Variants in ITGAX observed in about 807,000 individuals in gnomAD.
ITGAX encodes the protein integrin alpha-X.
ITGAX carries 99 observed loss-of-function variants against 140.2 expected under a neutral mutation model. The ratio of observed to expected loss-of-function variants is 0.71; its 90% CI spans 0.60 to 0.83. The LOEUF is 0.83. Ranked by LOEUF, ITGAX falls within the 40% of genes least tolerant of loss-of-function variation. ITGAX has a pLI of 0.00. For missense variants in ITGAX, 1,444 were observed against 1,482.0 expected (o/e 0.97, Z 0.42); for synonymous variants, 631 against 600.4 (o/e 1.05, Z -0.75).
chr16:31,377,016 C>A lies in ITGAX; in HGVS notation c.2642C>A (p.Thr881Asn), dbSNP rs2081025818. The change falls in exon 22 of 30, where the codon ACC becomes AAC. Residue 881 changes from threonine (T) to asparagine (N), a missense_variant. By Grantham distance (65) the Thr-to-Asn change is moderately conservative. Transcript: ENST00000268296. ...RGGAQITFLA[T>N]FDVSPKAVLG... ...TTTCCTCAGATCACCTTCTTGGCTA[C>A]CTTTGACGTCTCCCCCAAGGCTGTC... The A allele has an allele frequency of 6.2e-7, 1 of 1,614,112 alleles. No individual in the cohort carries two copies. Among genetic ancestry groups the A allele is most frequent in the South Asian group, 1.1e-5 (1 of 91,088 alleles).
At chr16:31,372,170 G>GA (rs982216714) in intron 17 of ITGAX, among the ~76,000 whole-genome samples, 8 of 151,696 alleles carry the variant, frequency 5.3e-5, no homozygotes, top group East Asian at 1.9e-4. Context: ...AGGTCTGGGG[G>GA]GGGGGAGGAA....
intron 20 of ITGAX, among the ~76,000 whole-genome samples, chr16:31,375,490 A>G (rs1188878288): frequency 1.3e-5 from 2 of 152,242 alleles, no homozygotes; most frequent in Non-Finnish European, 2.9e-5. Context: ...AGTTTGCGGT[A>G]ATCTGTTATA....
chr16:31,368,456 C>T (rs1597073425), intron 14 of ITGAX, among the ~76,000 whole-genome samples: 1 of 147,566 alleles, frequency 6.8e-6, no homozygotes, highest in Non-Finnish European at 1.5e-5. Context: ...CGAGATCACA[C>T]CACTGCACTC....
chr16:31,359,562 G>A (rs987284625), intron 5 of ITGAX, 138 bp from the exon 6 acceptor site: 5 of 920,550 alleles, frequency 5.4e-6, no homozygotes, highest in African/African-American at 5.0e-5. Context: ...GACCCAGGGT[G>A]TGGAGCCTGA....
Position 31,382,780 on chromosome 16 carries a change from C to A in ITGAX, c.*873C>A. On this transcript the variant is annotated 3_prime_UTR_variant, in exon 30 of 30. Transcript: ENST00000268296. ...TCTAGGGAGGGACATGGCCCCGGTG[C>A]GGCTGCAGCTCACCCAGCCCCAGGG... 1 of 456,848 alleles carries A rather than the reference C, an allele frequency of 2.2e-6. No homozygotes were observed. Among genetic ancestry groups the A allele is most frequent in the Non-Finnish European group, 3.9e-6 (1 of 254,056 alleles). The allele number at this position is 456,848 out of a possible 1,614,324, so 28.3% of individuals were successfully genotyped here. A position where few individuals can be genotyped will look rare whatever the true frequency, so the allele number is the denominator to read the frequency against.
chr16:31,355,446 G>A (rs2080748862), intron 1 of ITGAX, among the ~76,000 whole-genome samples, 155 bp downstream of exon 1: 1 of 152,202 alleles, frequency 6.6e-6, no homozygotes, highest in Non-Finnish European at 1.5e-5. Flanking sequence ...TCTGAGATTT[G>A]GAGTTTGTGG....
chr16:31,373,136 C>T lies in ITGAX; in HGVS notation c.2367-113C>T. On this transcript the variant is annotated intron_variant, in intron 19 of 29. Transcript: ENST00000268296. ...AAGAAGAAGAAGAAGAAGAAGAACCCAGGGGTCCGTCCCCTGTCTATCTCC... is the reference window on the plus strand; with the variant it reads ...AAGAAGAAGAAGAAGAAGAAGAACCTAGGGGTCCGTCCCCTGTCTATCTCC... 5 of 732,048 alleles carry T rather than the reference C, an allele frequency of 6.8e-6. No individual in the cohort carries two copies. In the South Asian group the frequency reaches 9.2e-5, roughly 13 times the overall value. 45.3% of individuals were successfully genotyped at this position (732,048 alleles called of 1,614,324 possible). A position where few individuals can be genotyped will look rare whatever the true frequency, so the allele number is the denominator to read the frequency against.
chr16:31,375,904 A>G (rs1280277141), intron 20 of ITGAX, among the ~76,000 whole-genome samples: 1 of 152,242 alleles, frequency 6.6e-6, no homozygotes, highest in African/African-American at 2.4e-5. Context: ...AATGAGCTGT[A>G]AAATAACATT....
intron 22 of ITGAX, 47 bp from the exon 23 acceptor site, chr16:31,377,135 C>G: frequency 1.2e-6 from 2 of 1,610,110 alleles, no homozygotes; most frequent in Non-Finnish European, 1.7e-6. Context: ...ACACCCCATT[C>G]TCCTCCTCTG....
intron 8 of ITGAX, 189 bp from the exon 9 acceptor site, chr16:31,360,874 C>T: frequency 8.5e-6 from 5 of 587,788 alleles, no homozygotes; most frequent in South Asian, 8.5e-5. Context: ...AGGATGAAAA[C>T]TCTGCCCCAG....
At chr16:31,360,213 C>T in intron 7 of ITGAX, 97 bp from the exon 8 acceptor site, 2 of 1,511,852 alleles carry the variant, frequency 1.3e-6, no homozygotes, top group Admixed American at 4.1e-5. Context: ...GGGACTGGGG[C>T]CTCCCAAAGG....
intron 2 of ITGAX, 105 bp from the exon 3 acceptor site, chr16:31,356,520 C>A: frequency 2.9e-6 from 2 of 687,582 alleles, no homozygotes; most frequent in East Asian, 2.7e-5. Context: ...ATCCATCTTG[C>A]AGATGAGGAA....
At chr16:31,356,477 A>G (rs997532084) in intron 2 of ITGAX, 148 bp from the exon 3 acceptor site, 10 of 603,656 alleles carry the variant, frequency 1.7e-5, no homozygotes, top group African/African-American at 1.3e-4. Context: ...CAACAGACAG[A>G]AATCCCTTCC....
chr16:31,364,853 C>CAAA (rs56670313), intron 14 of ITGAX, among the ~76,000 whole-genome samples: 22 of 106,188 alleles, frequency 2.1e-4, no homozygotes, highest in African/African-American at 9.3e-4. Context: ...ACTAAAAATA[C>CAAA]AAAAAAAAAA....
chr16:31,372,168 G>GT (rs112597435), intron 17 of ITGAX, among the ~76,000 whole-genome samples: 1 of 151,600 alleles, frequency 6.6e-6, no homozygotes, highest in Non-Finnish European at 1.5e-5. Flanking sequence ...GGAGGTCTGG[G>GT]GGGGGGGAGG....
intron 14 of ITGAX, among the ~76,000 whole-genome samples, chr16:31,368,651 G>A (rs910028355): frequency 3.4e-5 from 5 of 148,294 alleles, no homozygotes; most frequent in African/African-American, 7.5e-5. Flanking sequence ...GGTGTTTCTC[G>A]CAGAGGGGGA....
chr16:31,356,573 C>A, intron 2 of ITGAX, 52 bp from the exon 3 acceptor site: 1 of 1,304,254 alleles, frequency 7.7e-7, no homozygotes, highest in Non-Finnish European at 1.1e-6. Context: ...GGAGTGGCAG[C>A]TGTGCTGCAG....
At chr16:31,363,625 A>G (rs1236584463) in intron 14 of ITGAX, among the ~76,000 whole-genome samples, 1 of 152,106 alleles carries the variant, frequency 6.6e-6, no homozygotes, top group East Asian at 1.9e-4. Flanking sequence ...TTTGTATTTT[A>G]GTAGAGACAG....
rs2081059054 is a variant in ITGAX at position 31,380,512 on chromosome 16, CCCCTTTGCA to C, written c.3175-10_3175-2del. ...AGCCAGTTCAACAGGTTTCCCCCAA[CCCCTTTGCA>C]GATATTGCAGAAGAAGGTGTCGGTC... is the stretch of plus-strand genomic sequence containing the variant. On this transcript the variant is annotated splice_acceptor_variant and splice_polypyrimidine_tract_variant and intron_variant, in intron 27 of 29. Transcript: ENST00000268296. LOFTEE classifies it high-confidence loss of function. 1 of 1,614,152 alleles carries C rather than the reference CCCCTTTGCA, an allele frequency of 6.2e-7. No homozygotes were observed. Among genetic ancestry groups the C allele is most frequent in the African/African-American group, 1.3e-5 (1 of 74,948 alleles).
Sources: gnomAD v4.1 joint callset for allele counts (sites outside exome capture counted in the v4.1 genomes callset) on GRCh38, gnomAD v4.1.1 for gene constraint, MANE v1.5 for transcripts, NCBI Gene and HGNC (gene_info 2026-07-23, HGNC 2026-07-21) for gene names.